Variants in TMEM267 observed in about 807,000 individuals in gnomAD.
TMEM267 encodes transmembrane protein 267, also known as transmembrane protein C5orf28.
Under a neutral mutation model 19.3 loss-of-function variants are expected in TMEM267, and 20 were observed. The ratio of observed to expected loss-of-function variants is 1.04; its 90% CI spans 0.73 to 1.51. The LOEUF is 1.51. Among genes scored for constraint, TMEM267 ranks in the 40% most tolerant of loss-of-function variants. The probability of loss-of-function intolerance (pLI) is 0.00; values close to 1 mark genes in which losing one functional copy is unlikely to be tolerated. For synonymous variants in TMEM267, 88 were observed against 90.3 expected (o/e 0.97, Z 0.15); for missense variants, 242 against 261.9 (o/e 0.92, Z 0.52).
chr5:43,452,013 T>C (rs1742625487), intron 2 of TMEM267, among the ~76,000 whole-genome samples: 1 of 143,854 alleles, frequency 7.0e-6, no homozygotes, highest in Admixed American at 7.3e-5. Context: ...AAGAGGTTGA[T>C]GCTGCAGTGA....
rs1742757273 is a variant in TMEM267, at chr5:43,453,782, C to G, written c.188G>C (p.Trp63Ser). 2 of 1,614,116 alleles carry G rather than the reference C, an allele frequency of 1.2e-6. No homozygotes were observed. The highest frequency in any genetic ancestry group is 1.7e-5 in the Admixed American group (1 of 60,016). Residue 63 changes from tryptophan to serine, a missense_variant, in exon 2 of 3, where the codon TGG becomes TCG. Physicochemically the swap from Trp to Ser is radical, Grantham distance 177. Transcript: ENST00000397080. ...GATTCCAGTGACTACCGCCCATGAC[C>G]ACATGCCAATTACACAATGTACTGC... ...DNAVHCVIGM[W>S]SWAVVTGIKK...
intron 1 of TMEM267, among the ~76,000 whole-genome samples, chr5:43,459,785 T>A (rs1006161841): frequency 6.6e-6 from 1 of 152,344 alleles, no homozygotes; most frequent in Admixed American, 6.5e-5. Flanking sequence ...TCATATGCTA[T>A]GAAGCAGTGG....
At chr5:43,480,432 G>C (rs180858630) in intron 1 of TMEM267, among the ~76,000 whole-genome samples, 2 of 152,116 alleles carry the variant, frequency 1.3e-5, no homozygotes, top group Admixed American at 1.3e-4. Context: ...TCCTGACTCA[G>C]TCTCCTGAGT....
chr5:43,454,110 C>A, intron 1 of TMEM267, 67 bp from the exon 2 acceptor site: 1 of 1,078,710 alleles, frequency 9.3e-7, no homozygotes, highest in Non-Finnish European at 1.3e-6. Context: ...TTAAACAAAA[C>A]AGTATCAGCA....
At chr5:43,448,874 A>G (rs943346271) in intron 2 of TMEM267, among the ~76,000 whole-genome samples, 2 of 152,000 alleles carry the variant, frequency 1.3e-5, no homozygotes, top group Non-Finnish European at 1.5e-5. Flanking sequence ...TACATAAAAC[A>G]TAAGAAAATT....
chr5:43,452,164 T>C (rs1351123145), intron 2 of TMEM267, among the ~76,000 whole-genome samples: 1 of 151,444 alleles, frequency 6.6e-6, no homozygotes, highest in Non-Finnish European at 1.5e-5. Context: ...GACAGCACTA[T>C]ACACAATAGC....
At chr5:43,454,116 C>A in intron 1 of TMEM267, 73 bp from the exon 2 acceptor site, 1 of 1,052,226 alleles carries the variant, frequency 9.5e-7, no homozygotes, top group Admixed American at 3.3e-5. Flanking sequence ...AAAACAGTAT[C>A]AGCAATAATT....
At chr5:43,464,401 A>G (rs2112119668) in intron 1 of TMEM267, among the ~76,000 whole-genome samples, 1 of 152,336 alleles carries the variant, frequency 6.6e-6, no homozygotes, top group African/African-American at 2.4e-5. Flanking sequence ...TATAGATTCA[A>G]TGCCATCCCT....
intron 2 of TMEM267, among the ~76,000 whole-genome samples, chr5:43,452,498 T>C (rs912782774): frequency 1.3e-5 from 2 of 151,678 alleles, no homozygotes; most frequent in South Asian, 2.1e-4. Context: ...TTGTACAGCA[T>C]TAGAGTGACA....
chr5:43,455,318 G>C (rs1742880018), intron 1 of TMEM267, among the ~76,000 whole-genome samples: 1 of 151,926 alleles, frequency 6.6e-6, no homozygotes, highest in South Asian at 2.1e-4. Flanking sequence ...AGCTACTTGA[G>C]AGGCTGAGGT....
upstream of TMEM267, chr5:43,484,087 G>A (rs932575937): frequency 7.2e-5 from 11 of 152,386 alleles, no homozygotes; most frequent in African/African-American, 2.6e-4. Flanking sequence ...AGTGAGAGGA[G>A]AAAAGTGTCT....
At position 43,454,022 on chromosome 5, in the gene TMEM267, T is replaced by C. The variant is rs1357669700; in HGVS notation, c.-53A>G. On this transcript the variant is annotated 5_prime_UTR_variant, in exon 2 of 3. Transcript: ENST00000397080. ...AAGCCATCAGGAATGAACAGTCTAT[T>C]CTTGTTTACATTTCCAGCACCCTAA... 1 of 1,560,110 alleles carries C rather than the reference T, an allele frequency of 6.4e-7. No individual in the cohort carries two copies. Among genetic ancestry groups the C allele is most frequent in the Non-Finnish European group, 8.7e-7 (1 of 1,154,220 alleles).
At chr5:43,450,681 C>T (rs373497945) in intron 2 of TMEM267, among the ~76,000 whole-genome samples, 3 of 152,030 alleles carry the variant, frequency 2.0e-5, no homozygotes, top group African/African-American at 4.8e-5. Flanking sequence ...AATAGTGCTT[C>T]TAAGTGAATT....
At chr5:43,458,448 TAA>T (rs1743077115) in intron 1 of TMEM267, among the ~76,000 whole-genome samples, 1 of 152,160 alleles carries the variant, frequency 6.6e-6, no homozygotes, top group Non-Finnish European at 1.5e-5. Context: ...TCTACTTATT[TAA>T]AAGTCTACAA....
At chr5:43,466,364 AG>A (rs1743674109) in intron 1 of TMEM267, among the ~76,000 whole-genome samples, 1 of 152,226 alleles carries the variant, frequency 6.6e-6, no homozygotes, top group Non-Finnish European at 1.5e-5. Flanking sequence ...AAAGTGCTGA[AG>A]GAAAAAAAAC....
chr5:43,473,139 C>CAAAAAAAAAAAAAAAAAAAAAAAAAAAAA (rs71610311), intron 1 of TMEM267, among the ~76,000 whole-genome samples: 2 of 84,508 alleles, frequency 2.4e-5, no homozygotes, highest in Non-Finnish European at 2.2e-5. Context: ...CTCCGTGTCA[C>CAAAAAAAAAAAAAAAAAAAAAAAAAAAAA]AAAAAAAAAA....
At chr5:43,475,094 A>T (rs1744331622) in intron 1 of TMEM267, among the ~76,000 whole-genome samples, 1 of 152,242 alleles carries the variant, frequency 6.6e-6, no homozygotes, top group Non-Finnish European at 1.5e-5. Context: ...TTATTGTGGC[A>T]CTGTTTACAA....
In TMEM267 at chr5:43,464,592, T is replaced by A. The variant is rs1579809602; in HGVS notation, c.-74-10549A>T. On this transcript the variant is annotated intron_variant, in intron 1 of 2. Transcript: ENST00000397080. The stretch of plus-strand genomic sequence containing the variant: ...TACAGTAACCAAAACAGCATGGTAC[T>A]GGTACCAAAACAGAGATATAGATCA... 2.6e-5 allele frequency among the ~76,000 whole-genome samples: 4 copies of A among 152,404 alleles called. No individual in the cohort carries two copies. In the East Asian group the frequency reaches 5.8e-4, roughly 22 times the overall value.
chr5:43,474,664 C>T (rs1561197514), intron 1 of TMEM267, among the ~76,000 whole-genome samples: 2 of 148,886 alleles, frequency 1.3e-5, no homozygotes, highest in African/African-American at 2.5e-5. Context: ...GAGGATGAGG[C>T]AGGAGAATTG....
Sources: allele counts gnomAD v4.1 joint callset (sites outside exome capture counted in the v4.1 genomes callset), GRCh38; gene constraint gnomAD v4.1.1; transcripts MANE v1.5; gene names NCBI Gene and HGNC (gene_info 2026-07-23, HGNC 2026-07-21).